CCDC33: variants seen among roughly 807,000 people sequenced by gnomAD.
The protein encoded by CCDC33 is coiled-coil domain containing 33, also known as coiled-coil domain-containing protein 33.
In CCDC33, 94 loss-of-function variants were observed where a neutral mutation model predicts 91.9. The ratio of observed to expected loss-of-function variants is 1.02; its 90% confidence interval spans 0.87 to 1.21. The LOEUF is 1.21. CCDC33 is among the 50% of genes most tolerant of loss of function. The pLI is 0.00. For missense variants in CCDC33, 940 were observed against 935.5 expected (o/e 1.00, Z -0.06); for synonymous variants, 396 against 374.5 (o/e 1.06, Z -0.66).
intron 2 of CCDC33, among the ~76,000 whole-genome samples, chr15:74,254,277 CGCCTCA>C (rs2075796124): frequency 6.6e-6 from 1 of 152,130 alleles, no homozygotes; most frequent in Non-Finnish European, 1.5e-5. Flanking sequence ...ATGATCTGCC[CGCCTCA>C]GCCTCCCAAA....
intron 2 of CCDC33, among the ~76,000 whole-genome samples, chr15:74,254,788 C>T (rs1227772812): frequency 1.4e-5 from 2 of 147,670 alleles, no homozygotes; most frequent in Admixed American, 1.4e-4. Flanking sequence ...ACTCTTGTCA[C>T]CCAGGCTGGT....
At chr15:74,317,937 C>G (rs1236528618) in intron 11 of CCDC33, among the ~76,000 whole-genome samples, 1 of 116,766 alleles carries the variant, frequency 8.6e-6, no homozygotes, top group Non-Finnish European at 1.7e-5. Flanking sequence ...CTTTCAAAAA[C>G]ATCCACCCAT....
intron 3 of CCDC33, 147 bp downstream of exon 3, chr15:74,262,720 C>T (rs745643354): frequency 1.4e-5 from 11 of 787,988 alleles, no homozygotes; most frequent in Non-Finnish European, 1.9e-5. Flanking sequence ...TAGAAAAAAT[C>T]ATAATACTGT....
intron 2 of CCDC33, among the ~76,000 whole-genome samples, chr15:74,259,739 T>G (rs1052843553): frequency 6.6e-6 from 1 of 152,028 alleles, no homozygotes; most frequent in Non-Finnish European, 1.5e-5. Context: ...CCCAGGAGGG[T>G]TGGGAGGATA....
Position 74,330,749 on chromosome 15 carries a change from C to T in CCDC33, c.1543C>T (p.Arg515Ter), listed in dbSNP as rs922698019. The change falls in exon 13 of 19, where the codon CGA becomes TGA. Residue 515 changes from arginine to a stop codon, truncating the protein, a stop_gained and splice_region_variant. Transcript: ENST00000398814. LOFTEE classifies it high-confidence loss of function. ...GCAGCATTTGCAGAATGAGCTGATT[C>T]GAGTGAGCTGGGGCTTGTGGGGGCA... The part of the protein sequence containing the change: ...RVQHLQNELI[R>*]KNDREKELLL... 2 of 1,611,924 alleles carry T rather than the reference C, an allele frequency of 1.2e-6. No homozygotes were observed. Among genetic ancestry groups the T allele is most frequent in the Middle Eastern group, 1.7e-4 (1 of 6,054 alleles).
At chr15:74,243,871 G>A (rs2075426688) in intron 1 of CCDC33, 114 bp from the exon 2 acceptor site, 8 of 1,144,664 alleles carry the variant, frequency 7.0e-6, no homozygotes, top group Non-Finnish European at 1.0e-5. Flanking sequence ...CTTGAACCTG[G>A]GAGGTAGAGG....
intron 2 of CCDC33, among the ~76,000 whole-genome samples, chr15:74,260,919 A>G (rs983186839): frequency 6.6e-6 from 1 of 152,238 alleles, no homozygotes; most frequent in African/African-American, 2.4e-5. Flanking sequence ...GTACTTAGCA[A>G]TGTGCCAGGC....
At chr15:74,259,209 G>C (rs1039608977) in intron 2 of CCDC33, among the ~76,000 whole-genome samples, 6 of 151,354 alleles carry the variant, frequency 4.0e-5, no homozygotes, top group African/African-American at 1.5e-4. Context: ...GGGACAGGGA[G>C]GGGGGTCTCT....
In CCDC33 at chr15:74,295,876, A is replaced by G. The variant is rs2059675926; in HGVS notation, c.1218A>G (p.Thr406=). ...ESWSKDTVSS[T]MDLSTSTPRE... is the part of the protein sequence containing the mutation. ...GGTCCAAGGACACAGTGAGCTCCAC[A>G]ATGGACTTGAGCACGTCCACTCCAC... Residue 406 remains threonine, a synonymous_variant, in exon 11 of 19, where the codon ACA becomes ACG. Transcript: ENST00000398814. 5.6e-6 allele frequency: 9 copies of G among 1,614,020 alleles called. No homozygotes were observed. Among genetic ancestry groups the G allele is most frequent in the African/African-American group, 1.3e-5 (1 of 74,920 alleles).
intron 1 of CCDC33, among the ~76,000 whole-genome samples, chr15:74,204,372 G>T (rs545283229): frequency 6.6e-6 from 1 of 152,316 alleles, no homozygotes; most frequent in East Asian, 1.9e-4. Flanking sequence ...TTGTTCTGGC[G>T]GCCAGTATTC....
chr15:74,219,010 G>A, intron 2 of CCDC33: 1 of 802,688 alleles, frequency 1.2e-6, no homozygotes, highest in Non-Finnish European at 1.7e-6. Context: ...TGAGGAACGT[G>A]CAGTCTGAGG....
intron 11 of CCDC33, among the ~76,000 whole-genome samples, chr15:74,306,174 C>T (rs951863718): frequency 1.3e-5 from 2 of 152,106 alleles, no homozygotes; most frequent in African/African-American, 4.8e-5. Context: ...AAGATAATTC[C>T]GTACAAGGGT....
At chr15:74,224,593 A>G (rs1230297615) in intron 2 of CCDC33, among the ~76,000 whole-genome samples, 1 of 152,160 alleles carries the variant, frequency 6.6e-6, no homozygotes, top group African/African-American at 2.4e-5. Context: ...AGTCAGGAGG[A>G]CCTGGATGCT....
At chr15:74,211,141 ACGCACG>A (rs1281897104) in intron 2 of CCDC33, among the ~76,000 whole-genome samples, 33 of 53,842 alleles carry the variant, frequency 6.1e-4, no homozygotes, top group African/African-American at 1.7e-3. Context: ...CCCCACCACT[ACGCACG>A]CACACGCACA....
chr15:74,255,083 A>C (rs2075820367), intron 2 of CCDC33, among the ~76,000 whole-genome samples: 3 of 141,080 alleles, frequency 2.1e-5, no homozygotes, highest in Non-Finnish European at 1.5e-5. Context: ...TCACCTAGGC[A>C]TCCCCCTTTC....
intron 16 of CCDC33, chr15:74,333,260 G>A: frequency 1.2e-6 from 2 of 1,603,672 alleles, no homozygotes; most frequent in African/African-American, 2.7e-5. Flanking sequence ...AGACTTGACA[G>A]AGAGGCTACA....
At chr15:74,315,883 T>C (rs113705912) in intron 11 of CCDC33, among the ~76,000 whole-genome samples, 40 of 152,160 alleles carry the variant, frequency 2.6e-4, no homozygotes, top group African/African-American at 9.4e-4. Flanking sequence ...CACAGGGACC[T>C]TGACCGCCAA....
intron 1 of CCDC33, among the ~76,000 whole-genome samples, chr15:74,237,511 GAA>G (rs1303084873): frequency 2.0e-5 from 3 of 152,344 alleles, no homozygotes; most frequent in Non-Finnish European, 4.4e-5. Flanking sequence ...CACTCAGGTT[GAA>G]TAAGCCAAAT....
chr15:74,245,614 G>T (rs1388811286), intron 2 of CCDC33, among the ~76,000 whole-genome samples: 1 of 152,190 alleles, frequency 6.6e-6, no homozygotes. Context: ...GGCAGGCACC[G>T]CGACCCGCGC....
Sources: gnomAD v4.1 joint callset for allele counts (sites outside exome capture counted in the v4.1 genomes callset) on GRCh38, gnomAD v4.1.1 for gene constraint, MANE v1.5 for transcripts, NCBI Gene and HGNC (gene_info 2026-07-23, HGNC 2026-07-21) for gene names.